SPTA1: variants seen among roughly 807,000 people sequenced by gnomAD.
SPTA1 encodes spectrin alpha, erythrocytic 1.
A neutral mutation model predicts 324.7 loss-of-function variants in SPTA1; 177 were observed. The ratio of observed to expected loss-of-function variants is 0.55; its 90% CI spans 0.48 to 0.62. The LOEUF (loss-of-function observed/expected upper bound fraction) is 0.62, where lower values mean the gene tolerates loss of function less well. Ranked by LOEUF, SPTA1 falls within the 20% of genes least tolerant of loss-of-function variation. SPTA1 has a pLI of 0.00. For synonymous variants in SPTA1, 1,195 were observed against 1,041.3 expected, an observed-to-expected ratio of 1.15 and a Z score of -2.84; for missense variants, 3,162 against 2,883.6, an observed-to-expected ratio of 1.10 and a Z score of -2.21.
At chr1:158,658,033 C>T (rs144151044) in intron 18 of SPTA1, among the ~76,000 whole-genome samples, 1,564 of 152,162 alleles carry the variant, frequency 0.01, 15 homozygotes, top group Non-Finnish European at 0.014. Flanking sequence ...CATTTCTTCC[C>T]ATAAAGGAGT....
intron 16 of SPTA1, among the ~76,000 whole-genome samples, chr1:158,665,866 T>C (rs1255671616): frequency 6.6e-6 from 1 of 151,996 alleles, no homozygotes; most frequent in African/African-American, 2.4e-5. Context: ...GATACAGAGA[T>C]GCAAAAAGTG....
chr1:158,679,375 A>AGTAT (rs1393614709), intron 5 of SPTA1, among the ~76,000 whole-genome samples: 1 of 152,150 alleles, frequency 6.6e-6, no homozygotes, highest in East Asian at 1.9e-4. Flanking sequence ...CAAAAGGTAG[A>AGTAT]GTATGTTTCC....
rs1228336073 is a variant in SPTA1, at chr1:158,612,881, A to G, written c.7070T>C (p.Ile2357Thr). 1 of 1,613,916 alleles carries G rather than the reference A, an allele frequency of 6.2e-7. No individual in the cohort carries two copies. Among genetic ancestry groups the G allele is most frequent in the Non-Finnish European group, 8.5e-7 (1 of 1,179,878 alleles). Reference protein sequence around the residue: ...ESENIKSSDEIENAFQALAEG... With the variant: ...ESENIKSSDETENAFQALAEG... The stretch of plus-strand genomic sequence containing the variant: ...TGCCAGGGCTTGGAAGGCATTCTCT[A>G]TTTCATCACTGGACTTGATGTTTTC... The change falls in exon 51 of 52, where the codon ATA becomes ACA. Residue 2357 changes from isoleucine (I) to threonine (T), a missense_variant. Coordinates refer to ENST00000643759, the MANE Select transcript of SPTA1 (RefSeq NM_003126.4).
intron 10 of SPTA1, 136 bp from the exon 11 acceptor site, chr1:158,672,332 T>C: frequency 1.2e-6 from 1 of 854,996 alleles, no homozygotes; most frequent in Non-Finnish European, 1.8e-6. Flanking sequence ...ATTCCAACTT[T>C]TAAGCAAATG....
At position 158,667,914 on chromosome 1, in the gene SPTA1, C is replaced by G. The variant is rs201845149; in HGVS notation, c.1982G>C (p.Arg661Pro). The change falls in exon 15 of 52, where the codon CGT becomes CCT. Residue 661 changes from arginine (R) to proline (P), a missense_variant. By Grantham distance (103) the Arg-to-Pro change is moderately radical (BLOSUM62 -2). Coordinates refer to ENST00000643759, the MANE Select transcript of SPTA1 (RefSeq NM_003126.4). ...CCAGAGGCTGGCAACTTCACTCAGACGAGTGGTCACATTGTCAGAGGCATA... is the reference window on the plus strand; with the variant it reads ...CCAGAGGCTGGCAACTTCACTCAGAGGAGTGGTCACATTGTCAGAGGCATA... ...GHYASDNVTT[R>P]LSEVASLWEE... is the part of the protein sequence containing the mutation. 5.0e-6 allele frequency: 8 copies of G among 1,614,006 alleles called. No individual in the cohort carries two copies. The highest frequency in any genetic ancestry group is 6.8e-6 in the Non-Finnish European group (8 of 1,179,988).
intron 39 of SPTA1, 67 bp from the exon 40 acceptor site, chr1:158,627,790 G>C: frequency 1.4e-6 from 2 of 1,458,154 alleles, no homozygotes; most frequent in Admixed American, 3.4e-5. Flanking sequence ...CTCATATTCA[G>C]ACTCACGGGT....
chr1:158,649,910 G>A lies in SPTA1; in HGVS notation c.3515C>T (p.Ala1172Val). The A allele has an allele frequency of 6.2e-7, 1 of 1,613,736 alleles. No homozygotes were observed. The highest frequency in any genetic ancestry group is 8.5e-7 in the Non-Finnish European group (1 of 1,179,836). Reference protein sequence around the residue: ...NSRWGSLQRLADEQRQLLGSA... With the variant: ...NSRWGSLQRLVDEQRQLLGSA... ...GCCCAGCAGCTGCCGCTGTTCATCT[G>A]CAAGCCTCTGCAAAGAACCCCAGCG... is the stretch of plus-strand genomic sequence containing the variant. The change falls in exon 25 of 52, where the codon GCA (alanine) becomes GTA (valine). Residue 1172 changes from alanine to valine, a missense_variant. Ala to Val is a moderately conservative substitution (Grantham distance 64, BLOSUM62 0). Coordinates refer to ENST00000643759, the MANE Select transcript of SPTA1 (RefSeq NM_003126.4).
chr1:158,663,637 C>A (rs1017276545), intron 16 of SPTA1, among the ~76,000 whole-genome samples: 3 of 152,164 alleles, frequency 2.0e-5, no homozygotes, highest in Admixed American at 2.0e-4. Context: ...CCTGGCCTGG[C>A]AGACACAGTA....
intron 10 of SPTA1, 136 bp downstream of exon 10, chr1:158,674,193 A>G (rs1654237733): frequency 1.0e-6 from 1 of 964,978 alleles, no homozygotes; most frequent in Non-Finnish European, 1.6e-6. Flanking sequence ...AAGCAGTGTA[A>G]AAGTTTGATT....
chr1:158,627,962 T>A (rs1236418682), intron 39 of SPTA1, among the ~76,000 whole-genome samples: 1 of 152,218 alleles, frequency 6.6e-6, no homozygotes, highest in East Asian at 1.9e-4. Context: ...TTCTTTCTAA[T>A]TTATTATGTG....
chr1:158,612,766 A>C, intron 51 of SPTA1, 51 bp downstream of exon 51: 3 of 1,608,474 alleles, frequency 1.9e-6, no homozygotes, highest in South Asian at 1.1e-5. Flanking sequence ...TGAGATGACC[A>C]GAATTCAAAT....
chr1:158,650,068 C>T, intron 24 of SPTA1, 121 bp from the exon 25 acceptor site: 1 of 767,908 alleles, frequency 1.3e-6, no homozygotes, highest in South Asian at 1.5e-5. Context: ...TCAGAAATTG[C>T]ATAGCTTTGC....
chr1:158,672,730 C>T (rs991212453), intron 10 of SPTA1, among the ~76,000 whole-genome samples: 10 of 152,056 alleles, frequency 6.6e-5, no homozygotes, highest in Admixed American at 1.3e-4. Flanking sequence ...ATGAAAAAGC[C>T]TTTGTTTCTG....
rs1288674227 is a variant in SPTA1, at chr1:158,644,277, A to C, written c.4314T>G (p.Asp1438Glu). Residue 1438 changes from aspartate to glutamate, a missense_variant, in exon 30 of 52, where the codon GAT (aspartate) becomes GAG (glutamate). Asp to Glu is a conservative substitution (Grantham distance 45, BLOSUM62 2). Coordinates refer to ENST00000643759, the MANE Select transcript of SPTA1 (RefSeq NM_003126.4). ...SLEALMKKRD[D>E]LDKAITAQEG... ...CCTGGGCAGTGATTGCTTTGTCCAA[A>C]TCGTCCCGTTTCTTCATCAAAGCCT... The C allele has an allele frequency of 6.2e-7, 1 of 1,613,728 alleles. No homozygotes were observed. Among genetic ancestry groups the C allele is most frequent in the African/African-American group, 1.3e-5 (1 of 74,864 alleles).
chr1:158,650,754 T>C (rs926102253), intron 24 of SPTA1, among the ~76,000 whole-genome samples: 3 of 152,216 alleles, frequency 2.0e-5, no homozygotes, highest in Admixed American at 6.5e-5. Flanking sequence ...AGTTCAAATG[T>C]ATATATTCCA....
At chr1:158,683,252 T>A (rs1044084474) in intron 3 of SPTA1, 119 bp downstream of exon 3, 6 of 1,419,238 alleles carry the variant, frequency 4.2e-6, no homozygotes, top group Non-Finnish European at 5.9e-6. Flanking sequence ...CAGGGGAAGA[T>A]AAGAGGCAGG....
Position 158,680,627 on chromosome 1 carries a change from C to A in SPTA1, c.634G>T (p.Gly212Trp). The part of the protein sequence containing the change: ...DFQVELVAKE[G>W]RVVEVNQYAN... The stretch of plus-strand genomic sequence containing the variant: ...TATTGGTTCACTTCAACAACTCTCC[C>A]TTCTTTAGCTACCAGCTCCACTTGG... Residue 212 changes from glycine to tryptophan, a missense_variant, in exon 5 of 52, where the codon GGG becomes TGG. Coordinates refer to ENST00000643759, the MANE Select transcript of SPTA1 (RefSeq NM_003126.4). 6.2e-7 allele frequency: 1 copy of A among 1,613,932 alleles called. No homozygotes were observed. The highest frequency in any genetic ancestry group is 8.5e-7 in the Non-Finnish European group (1 of 1,179,876).
intron 33 of SPTA1, among the ~76,000 whole-genome samples, 178 bp downstream of exon 33, chr1:158,642,233 A>G (rs963929119): frequency 6.6e-6 from 1 of 152,106 alleles, no homozygotes; most frequent in Admixed American, 6.6e-5. Context: ...TGGGTGCAGC[A>G]CACCAACATG....
At chr1:158,625,740 A>G (rs1650227239) in intron 42 of SPTA1, among the ~76,000 whole-genome samples, 2 of 151,896 alleles carry the variant, frequency 1.3e-5, no homozygotes, top group South Asian at 2.1e-4. Flanking sequence ...TGCTTTGGGA[A>G]AAATTATATA....
Sources: allele counts gnomAD v4.1 joint callset (sites outside exome capture counted in the v4.1 genomes callset), GRCh38; gene constraint gnomAD v4.1.1; transcripts MANE v1.5; gene names NCBI Gene and HGNC (gene_info 2026-07-23, HGNC 2026-07-21).